PPIE: variants seen among roughly 807,000 people sequenced by gnomAD.
PPIE encodes the protein peptidyl-prolyl cis-trans isomerase E.
PPIE carries 20 observed loss-of-function variants against 38.4 expected under a neutral mutation model. That is an observed-to-expected ratio of 0.52 (90% confidence interval 0.37 to 0.76). The LOEUF is 0.76. Among genes scored for constraint, PPIE ranks in the 30% least tolerant of loss-of-function variants. PPIE has a pLI of 0.00. For missense variants in PPIE, 322 were observed against 385.8 expected (o/e 0.83, Z 1.39); for synonymous variants, 142 against 135.7 (o/e 1.05, Z -0.32).
downstream of PPIE, chr1:39,761,393 C>T (rs1256750351): frequency 2.6e-5 from 4 of 152,970 alleles, no homozygotes; most frequent in Admixed American, 2.6e-4. Context: ...GCAGCCTTCA[C>T]TCATCCCCTG....
rs138184191 is a variant in PPIE, at chr1:39,750,279, A to G, written c.694+1191A>G. Among the ~76,000 whole-genome samples the G allele has an allele frequency of 1.8e-4, 27 of 152,204 alleles. No individual in the cohort carries two copies. In the East Asian group the frequency reaches 5.0e-3, roughly 28 times the overall value. On this transcript the variant is annotated intron_variant, in intron 8 of 9. Coordinates refer to ENST00000324379, the MANE Select transcript of PPIE (RefSeq NM_006112.4). ...GACTTGCTGCCTTCGCGTTTTCTCT[A>G]ATCCCTTCTAGGCAGACTTCTAGTC...
chr1:39,739,676 A>G (rs1647009902), intron 1 of PPIE, among the ~76,000 whole-genome samples: 1 of 152,130 alleles, frequency 6.6e-6, no homozygotes, highest in Non-Finnish European at 1.5e-5. Context: ...AAGGCCGTTC[A>G]CTGCAAGGGA....
In PPIE at chr1:39,753,583, A is replaced by G. The variant is rs1036159031; in HGVS notation, c.*228A>G. 1.5e-5 allele frequency: 20 copies of G among 1,362,610 alleles called. No homozygotes were observed. The highest frequency in any genetic ancestry group is 3.5e-5 in the Admixed American group (1 of 28,544). The allele number at this position is 1,362,610 out of a possible 1,614,324, so 84.4% of individuals were successfully genotyped here. On this transcript the variant is annotated 3_prime_UTR_variant, in exon 10 of 10. Coordinates refer to ENST00000324379, the MANE Select transcript of PPIE (RefSeq NM_006112.4). Reference sequence around the variant, plus strand: ...GCCAGCTCAGGTGCTCCCCTCCACCATGGGCAGGCTGTGCAAAAAGCCACT... The same window carrying G: ...GCCAGCTCAGGTGCTCCCCTCCACCGTGGGCAGGCTGTGCAAAAAGCCACT...
chr1:39,740,405 G>C (rs1365283946), intron 2 of PPIE, 142 bp downstream of exon 2: 2 of 634,914 alleles, frequency 3.2e-6, no homozygotes, highest in Non-Finnish European at 5.4e-6. Flanking sequence ...TCTGGTGACA[G>C]TGATCTCGAT....
chr1:39,738,938 A>T lies in PPIE; in HGVS notation c.31+7A>T, dbSNP rs752832499. On this transcript the variant is annotated splice_region_variant and intron_variant, in intron 1 of 9. Coordinates refer to ENST00000324379, the MANE Select transcript of PPIE (RefSeq NM_006112.4). ...AAGCGCGTCTTGTACGTGGGTGAGC[A>T]GGAGGGGTTGCTAGGCGGAGTCTGA... is the stretch of plus-strand genomic sequence containing the variant. The T allele has an allele frequency of 1.4e-6, 2 of 1,478,076 alleles. No individual in the cohort carries two copies. Among genetic ancestry groups the T allele is most frequent in the Non-Finnish European group, 1.8e-6 (2 of 1,113,562 alleles). The allele number at this position is 1,478,076 out of a possible 1,614,324, so 91.6% of individuals were successfully genotyped here.
intron 8 of PPIE, among the ~76,000 whole-genome samples, chr1:39,749,805 C>T: frequency 6.6e-6 from 1 of 152,154 alleles, no homozygotes; most frequent in East Asian, 1.9e-4. Flanking sequence ...AGTCCATTAG[C>T]ATGAAAGCAT....
chr1:39,760,647 C>T, downstream of PPIE: 1 of 1,517,398 alleles, frequency 6.6e-7, no homozygotes, highest in Non-Finnish European at 8.8e-7. Context: ...ACCCCAGCTC[C>T]ACCTGCTCCC....
At chr1:39,762,449 AACAC>A (rs1649121456) in intron 9 of PPIE, 1 of 1,480,500 alleles carries the variant, frequency 6.8e-7, no homozygotes, top group African/African-American at 1.4e-5. Context: ...AGAATCCACA[AACAC>A]ACAGAGCACT....
At chr1:39,742,299 C>A (rs1020765667) in intron 4 of PPIE, 1 of 178,420 alleles carries the variant, frequency 5.6e-6, no homozygotes, top group Non-Finnish European at 1.2e-5. Flanking sequence ...ATGGCAGGTG[C>A]AAATCACTGA....
At chr1:39,743,770 T>C in intron 5 of PPIE, 54 bp from the exon 6 acceptor site, 1 of 1,476,844 alleles carries the variant, frequency 6.8e-7, no homozygotes, top group South Asian at 1.2e-5. Flanking sequence ...AGCAGCTACT[T>C]TTCAGTTCAA....
chr1:39,743,258 G>A lies in PPIE; in HGVS notation c.244G>A (p.Ala82Thr). ...LFGRTIRVNL[A>T]KPMRIKEGSS... ...TGGACGTACAATTCGTGTCAATTTG[G>A]CCAAACCAATGAGAATTAAGGAAGG... Residue 82 changes from alanine (A) to threonine (T), a missense_variant, in exon 5 of 10, where the codon GCC (alanine) becomes ACC (threonine). Ala to Thr is a moderately conservative substitution (Grantham distance 58). Transcript: ENST00000324379. The A allele has an allele frequency of 6.2e-7, 1 of 1,614,098 alleles. No homozygotes were observed. Among genetic ancestry groups the A allele is most frequent in the East Asian group, 2.2e-5 (1 of 44,872 alleles).
chr1:39,741,695 G>A, intron 3 of PPIE, 200 bp from the exon 4 acceptor site: 1 of 638,024 alleles, frequency 1.6e-6, no homozygotes, highest in East Asian at 2.7e-5. Context: ...TATTTCTTGT[G>A]CCTTCAACTA....
At chr1:39,752,044 G>A (rs1016528900) in intron 8 of PPIE, among the ~76,000 whole-genome samples, 12 of 152,184 alleles carry the variant, frequency 7.9e-5, no homozygotes, top group African/African-American at 2.2e-4. Flanking sequence ...TGAGGCTACA[G>A]TGAGCTGTGA....
chr1:39,755,682 T>C lies in PPIE; in HGVS notation c.*2327T>C. 2.0e-6 allele frequency: 2 copies of C among 985,426 alleles called. No individual in the cohort carries two copies. The highest frequency in any genetic ancestry group is 2.4e-6 in the Non-Finnish European group (2 of 829,932). 61.0% of individuals were successfully genotyped at this position (985,426 alleles called of 1,614,324 possible). ...GACTCCTGTGACAACCTTGTCACTC[T>C]GTTCCTCCCTGATACTCTGGGGAGG... On this transcript the variant is annotated 3_prime_UTR_variant, in exon 10 of 10. Transcript: ENST00000324379.
In PPIE at chr1:39,756,231, C is replaced by A. The variant is rs949674669; in HGVS notation, c.*2876C>A. The A allele has an allele frequency of 1.0e-6, 1 of 985,354 alleles. No individual in the cohort carries two copies. Among genetic ancestry groups the A allele is most frequent in the Non-Finnish European group, 1.2e-6 (1 of 829,942 alleles). 61.0% of individuals were successfully genotyped at this position (985,354 alleles called of 1,614,324 possible). On this transcript the variant is annotated 3_prime_UTR_variant, in exon 10 of 10. Coordinates refer to ENST00000324379, the MANE Select transcript of PPIE (RefSeq NM_006112.4). ...GTGGCTCTGTGGGCGTCCTTTCCTG[C>A]AGCCTGGAGAGCAAAGCGGCTTTCC...
At chr1:39,745,222 C>T (rs1647163667) in intron 6 of PPIE, among the ~76,000 whole-genome samples, 153 bp from the exon 7 acceptor site, 1 of 152,218 alleles carries the variant, frequency 6.6e-6, no homozygotes, top group Non-Finnish European at 1.5e-5. Flanking sequence ...GCTCCTGCCT[C>T]CTGCAGCCCT....
rs201058134 is a variant in PPIE at position 39,749,099 on chromosome 1, G to C, written c.694+11G>C. 7.9e-4 allele frequency: 1,246 copies of C among 1,577,466 alleles called. 1 individual carries two copies. Among genetic ancestry groups the C allele is most frequent in the Non-Finnish European group, 1.0e-3 (1,180 of 1,163,306 alleles). On this transcript the variant is annotated intron_variant, in intron 8 of 9. Coordinates refer to ENST00000324379, the MANE Select transcript of PPIE (RefSeq NM_006112.4). ...AGCATACGGGACCAGGTAGGAGCCA[G>C]TTGGCATGTGGTGACGAGGGAGGCT...
intron 8 of PPIE, among the ~76,000 whole-genome samples, chr1:39,750,647 TCTC>T (rs1217389477): frequency 1.3e-5 from 2 of 152,182 alleles, no homozygotes; most frequent in African/African-American, 2.4e-5. Context: ...CTAACTCTGT[TCTC>T]CTTGACTCCT....
chr1:39,746,318 T>C (rs561839424), intron 7 of PPIE: 1 of 152,370 alleles, frequency 6.6e-6, no homozygotes, highest in African/African-American at 2.4e-5. Context: ...GCCTTGTTTT[T>C]GCATAGTTTT....
Sources: allele counts gnomAD v4.1 joint callset (sites outside exome capture counted in the v4.1 genomes callset), GRCh38; gene constraint gnomAD v4.1.1; transcripts MANE v1.5; gene names NCBI Gene and HGNC (gene_info 2026-07-23, HGNC 2026-07-21).